Variants in PIK3AP1 observed in about 807,000 individuals in gnomAD.
The protein encoded by PIK3AP1 is phosphoinositide 3-kinase adapter protein 1.
In PIK3AP1, 21 loss-of-function variants were observed where a neutral mutation model predicts 88.1. That is an observed-to-expected ratio of 0.24 (90% CI 0.17 to 0.34). PIK3AP1 has a LOEUF of 0.34. PIK3AP1 is among the 10% of genes least tolerant of loss of function. The probability of loss-of-function intolerance (pLI) is 1.00; values close to 1 mark genes in which losing one functional copy is unlikely to be tolerated. For synonymous variants in PIK3AP1, 398 were observed against 400.0 expected, an observed-to-expected ratio of 1.00 and a Z score of 0.06; for missense variants, 828 against 1,035.7, an observed-to-expected ratio of 0.80 and a Z score of 2.75.
At chr10:96,626,608 G>A in intron 10 of PIK3AP1, 100 bp downstream of exon 10, 1 of 1,265,292 alleles carries the variant, frequency 7.9e-7, no homozygotes, top group Admixed American at 2.2e-5. Context: ...TTTAGAAGGG[G>A]ATAGTCTCTG....
intron 1 of PIK3AP1, among the ~76,000 whole-genome samples, chr10:96,716,759 A>G (rs573623793): frequency 6.6e-6 from 1 of 152,250 alleles, no homozygotes; most frequent in African/African-American, 2.4e-5. Flanking sequence ...TTATTAAGAG[A>G]AATGAAACAC....
chr10:96,645,549 G>C lies in PIK3AP1; in HGVS notation c.1299C>G (p.Cys433Trp). 6.2e-7 allele frequency: 1 copy of C among 1,614,002 alleles called. No homozygotes were observed. The highest frequency in any genetic ancestry group is 8.5e-7 in the Non-Finnish European group (1 of 1,179,946). The change falls in exon 8 of 17, where the codon TGC becomes TGG. Residue 433 changes from cysteine to tryptophan, a missense_variant. Physicochemically the swap from Cys to Trp is radical, Grantham distance 215 (BLOSUM62 -2). Around this residue, in one of 3 missense-constraint regions of PIK3AP1, gnomAD observed 610 missense variants for 760.1 expected, o/e 0.80. Coordinates refer to ENST00000339364, the MANE Select transcript of PIK3AP1 (RefSeq NM_152309.3). ...CCTCGTCACAGCCGGGGTTGAGCGA[G>C]CATTTCATAAGCAGGTCTGTGGAAA... is the stretch of plus-strand genomic sequence containing the variant. ...AHLSTDLLMK[C>W]SLNPGCDEDL...
At chr10:96,670,025 A>G (rs1843821545) in intron 2 of PIK3AP1, among the ~76,000 whole-genome samples, 1 of 151,552 alleles carries the variant, frequency 6.6e-6, no homozygotes, top group African/African-American at 2.4e-5. Context: ...AAATACAAAA[A>G]TTAGCCGGGC....
At chr10:96,638,207 C>T (rs1033525352) in intron 8 of PIK3AP1, among the ~76,000 whole-genome samples, 3 of 152,092 alleles carry the variant, frequency 2.0e-5, no homozygotes, top group Non-Finnish European at 2.9e-5. Flanking sequence ...ATGTTGCTAT[C>T]GTGAGAGTGG....
chr10:96,644,593 G>A (rs531291045), intron 8 of PIK3AP1, among the ~76,000 whole-genome samples: 69 of 152,144 alleles, frequency 4.5e-4, no homozygotes, highest in Middle Eastern at 3.4e-3. Context: ...CATTACTTTT[G>A]CATTGGAAAA....
chr10:96,720,485 C>G lies in PIK3AP1; in HGVS notation c.-91G>C, dbSNP rs1158722839. ...GTCCTGGCTCGGGCTGGAGGGGCGC[C>G]GGGCTCCGCGCGGGACCGGCCGCCG... is the stretch of plus-strand genomic sequence containing the variant. On this transcript the variant is annotated 5_prime_UTR_variant, in exon 1 of 17. Transcript: ENST00000339364. The surrounding 1 kb of genome is among the most constrained non-coding windows in gnomAD (Gnocchi z 4.6). 1 of 1,132,610 alleles carries G rather than the reference C, an allele frequency of 8.8e-7. No homozygotes were observed. Among genetic ancestry groups the G allele is most frequent in the Non-Finnish European group, 1.1e-6 (1 of 909,270 alleles). 70.2% of individuals were successfully genotyped at this position (1,132,610 alleles called of 1,614,324 possible). A position where few individuals can be genotyped will look rare whatever the true frequency, so the allele number is the denominator to read the frequency against.
At chr10:96,686,698 T>G (rs1844073155) in intron 2 of PIK3AP1, among the ~76,000 whole-genome samples, 1 of 152,148 alleles carries the variant, frequency 6.6e-6, no homozygotes, top group African/African-American at 2.4e-5. Context: ...CCGACCATCC[T>G]CTGTTAAATA....
At chr10:96,683,773 G>A (rs953446741) in intron 2 of PIK3AP1, among the ~76,000 whole-genome samples, 3 of 152,224 alleles carry the variant, frequency 2.0e-5, no homozygotes, top group African/African-American at 7.2e-5. Flanking sequence ...ATAAAGATAA[G>A]TGACATATCA....
At chr10:96,632,758 A>C (rs1278755982) in intron 8 of PIK3AP1, 1 of 1,139,196 alleles carries the variant, frequency 8.8e-7, no homozygotes, top group Non-Finnish European at 1.2e-6. Context: ...GGATGATTAG[A>C]AGCGTGGGCA....
intron 2 of PIK3AP1, among the ~76,000 whole-genome samples, chr10:96,660,250 C>T (rs1291931703): frequency 2.6e-5 from 4 of 151,902 alleles, no homozygotes; most frequent in Non-Finnish European, 5.9e-5. Context: ...ATACAAAGAA[C>T]TCTTAAAACT....
intron 2 of PIK3AP1, among the ~76,000 whole-genome samples, chr10:96,667,863 G>A (rs572969086): frequency 4.4e-4 from 67 of 152,230 alleles, no homozygotes; most frequent in Middle Eastern, 6.8e-3. Context: ...CTCCTTTTGC[G>A]CCATAGAGGG....
intron 2 of PIK3AP1, among the ~76,000 whole-genome samples, chr10:96,662,266 T>C (rs1843697750): frequency 6.6e-6 from 1 of 152,134 alleles, no homozygotes; most frequent in Non-Finnish European, 1.5e-5. Context: ...TTCAAAACAA[T>C]ATGTTGTTTT....
intron 2 of PIK3AP1, among the ~76,000 whole-genome samples, chr10:96,705,607 T>C (rs1444237857): frequency 6.9e-6 from 1 of 143,982 alleles, no homozygotes; most frequent in African/African-American, 2.6e-5. Flanking sequence ...TGAGACAGGG[T>C]GTCACTCTGT....
At chr10:96,718,555 A>T (rs1436330904) in intron 1 of PIK3AP1, among the ~76,000 whole-genome samples, 1 of 152,148 alleles carries the variant, frequency 6.6e-6, no homozygotes, top group African/African-American at 2.4e-5. Context: ...AGCTCTAACC[A>T]TTACAAACAC....
intron 2 of PIK3AP1, among the ~76,000 whole-genome samples, chr10:96,658,284 T>C (rs1056104229): frequency 1.3e-5 from 2 of 152,132 alleles, no homozygotes; most frequent in African/African-American, 4.8e-5. Context: ...GTTTGGCTGA[T>C]TCCTGCAGCC....
chr10:96,677,143 G>A (rs1312253723), intron 2 of PIK3AP1, among the ~76,000 whole-genome samples: 2 of 152,140 alleles, frequency 1.3e-5, no homozygotes, highest in Non-Finnish European at 1.5e-5. Flanking sequence ...CATGCCCAGT[G>A]TTTGAGAGGG....
At chr10:96,682,336 G>A (rs931588933) in intron 2 of PIK3AP1, among the ~76,000 whole-genome samples, 6 of 151,802 alleles carry the variant, frequency 4.0e-5, no homozygotes, top group East Asian at 3.9e-4. Context: ...GATGGGAATC[G>A]TGACTGCAGG....
chr10:96,687,609 T>C (rs1168796581), intron 2 of PIK3AP1, among the ~76,000 whole-genome samples: 1 of 152,174 alleles, frequency 6.6e-6, no homozygotes, highest in East Asian at 1.9e-4. Flanking sequence ...TATCTTCTTG[T>C]CCCGCTTTCT....
At chr10:96,670,472 G>C (rs1843830417) in intron 2 of PIK3AP1, among the ~76,000 whole-genome samples, 1 of 152,146 alleles carries the variant, frequency 6.6e-6, no homozygotes, top group Non-Finnish European at 1.5e-5. Context: ...GTCCTCACTG[G>C]TACTGGAGAG....
Sources: gnomAD v4.1 joint callset for allele counts (sites outside exome capture counted in the v4.1 genomes callset) on GRCh38, gnomAD v4.1.1 for gene constraint, gnomAD v4.1.1 regional missense constraint, Gnocchi (gnomAD v3.1) non-coding constraint, MANE v1.5 for transcripts, NCBI Gene and HGNC (gene_info 2026-07-23, HGNC 2026-07-21) for gene names.